The following RHOT1 variants were observed in gnomAD, a reference collection of about 807,000 sequenced individuals.
RHOT1 encodes mitochondrial Rho GTPase 1.
Under a neutral mutation model 95.3 loss-of-function variants are expected in RHOT1, and 27 were observed. That is an observed-to-expected ratio of 0.28 (90% CI 0.21 to 0.39). The LOEUF (loss-of-function observed/expected upper bound fraction) is 0.39. Among genes scored for constraint, RHOT1 ranks in the 10% least tolerant of loss-of-function variants. RHOT1 has a pLI of 1.00. For missense variants in RHOT1, 578 were observed against 786.7 expected (o/e 0.73, Z 3.17); for synonymous variants, 227 against 263.5 (o/e 0.86, Z 1.34).
At chr17:32,149,591 C>CTA (rs1162059092) in intron 1 of RHOT1, among the ~76,000 whole-genome samples, 928 of 52,496 alleles carry the variant, frequency 0.018, 14 homozygotes, top group Middle Eastern at 0.04. Flanking sequence ...CCCAGCAGTT[C>CTA]TATATATATA....
intron 8 of RHOT1, among the ~76,000 whole-genome samples, chr17:32,189,896 C>T (rs2036356651): frequency 6.6e-6 from 1 of 151,932 alleles, no homozygotes; most frequent in South Asian, 2.1e-4. Context: ...CCATGCCTGG[C>T]TAATTTTTGT....
At chr17:32,143,093 C>A (rs2142321462) in intron 1 of RHOT1, 1 of 606,672 alleles carries the variant, frequency 1.6e-6, no homozygotes, top group South Asian at 1.5e-5. Flanking sequence ...TCACAGTTTC[C>A]CAGGCCGCCT....
intron 14 of RHOT1, among the ~76,000 whole-genome samples, chr17:32,202,324 G>T (rs970289269): frequency 2.6e-5 from 4 of 152,158 alleles, no homozygotes; most frequent in African/African-American, 9.7e-5. Flanking sequence ...ACCCCAAAGT[G>T]TGTGTCCCTT....
chr17:32,224,777 G>A lies in RHOT1; in HGVS notation c.*44G>A, dbSNP rs776902833. ...CCCTACCAAAAACAAATACTTTTATGTACATTCTGAATGCTTTAAGTTCTG... is the reference window on the plus strand; with the variant it reads ...CCCTACCAAAAACAAATACTTTTATATACATTCTGAATGCTTTAAGTTCTG... On this transcript the variant is annotated 3_prime_UTR_variant, in exon 20 of 20. Transcript: ENST00000545287. 3 of 1,166,104 alleles carry A rather than the reference G, an allele frequency of 2.6e-6. No individual in the cohort carries two copies. Among genetic ancestry groups the A allele is most frequent in the Non-Finnish European group, 1.3e-6 (1 of 788,304 alleles). 72.2% of individuals were successfully genotyped at this position (1,166,104 alleles called of 1,614,324 possible). A position where few individuals can be genotyped will look rare whatever the true frequency, so the allele number is the denominator to read the frequency against.
chr17:32,190,574 T>C (rs910349029), intron 8 of RHOT1, among the ~76,000 whole-genome samples: 6 of 152,254 alleles, frequency 3.9e-5, no homozygotes, highest in African/African-American at 1.4e-4. Flanking sequence ...TTCTGTTTTG[T>C]ATATTCTTGC....
At chr17:32,190,904 T>C (rs1286320519) in intron 8 of RHOT1, among the ~76,000 whole-genome samples, 1 of 152,172 alleles carries the variant, frequency 6.6e-6, no homozygotes, top group Non-Finnish European at 1.5e-5. Flanking sequence ...CAAGCGATTC[T>C]CCTGCCTCAG....
At chr17:32,202,439 G>A (rs914987797) in intron 14 of RHOT1, among the ~76,000 whole-genome samples, 4 of 152,168 alleles carry the variant, frequency 2.6e-5, no homozygotes, top group East Asian at 1.9e-4. Context: ...GGAATATAAT[G>A]TTGGCTATAT....
chr17:32,155,343 G>A (rs2032844814), intron 1 of RHOT1, among the ~76,000 whole-genome samples: 1 of 151,840 alleles, frequency 6.6e-6, no homozygotes, highest in African/African-American at 2.4e-5. Flanking sequence ...TGTATTTTTA[G>A]TAGAGACAGG....
intron 16 of RHOT1, among the ~76,000 whole-genome samples, chr17:32,206,441 CTTTTTTTTTTTTTTTTTTT>C (rs34176535): frequency 3.7e-4 from 25 of 67,026 alleles, no homozygotes; most frequent in Admixed American, 3.7e-3. Context: ...TCTATACTTT[CTTTTTTTTTTTTTTTTTTT>C]TTTTTTTTTG....
chr17:32,209,442 C>T (rs768075538), intron 18 of RHOT1: 1 of 1,570,370 alleles, frequency 6.4e-7, no homozygotes, highest in East Asian at 2.3e-5. Context: ...CTAAAAACTG[C>T]TTTGTAAGTT....
Position 32,142,574 on chromosome 17 carries a change from G to T in RHOT1, c.-119G>T. 4 of 792,778 alleles carry T rather than the reference G, an allele frequency of 5.0e-6. No homozygotes were observed. Among genetic ancestry groups the T allele is most frequent in the Non-Finnish European group, 7.4e-6 (4 of 541,756 alleles). 49.1% of individuals were successfully genotyped at this position (792,778 alleles called of 1,614,324 possible). A position where few individuals can be genotyped will look rare whatever the true frequency, so the allele number is the denominator to read the frequency against. On this transcript the variant is annotated 5_prime_UTR_variant, in exon 1 of 20. Coordinates refer to ENST00000545287, the MANE Select transcript of RHOT1 (RefSeq NM_001033566.3). ...CTTGCGGGGAAGCAACTGAGGGGGC[G>T]GCGCGGCGGGCCCCGGCGGCCGAAG...
chr17:32,197,197 T>G (rs1032126592), intron 11 of RHOT1, among the ~76,000 whole-genome samples: 1 of 151,934 alleles, frequency 6.6e-6, no homozygotes, highest in Non-Finnish European at 1.5e-5. Flanking sequence ...GGGGAGCCTG[T>G]CTCATTTTTG....
In RHOT1 at chr17:32,182,821, C is replaced by A; in HGVS notation, c.394C>A (p.Leu132Ile). 6.2e-7 allele frequency: 1 copy of A among 1,606,422 alleles called. No individual in the cohort carries two copies. The highest frequency in any genetic ancestry group is 1.1e-5 in the South Asian group (1 of 90,086). The change falls in exon 7 of 20, where the codon CTT becomes ATT. Residue 132 changes from leucine to isoleucine, a missense_variant. By Grantham distance (5) the Leu-to-Ile change is conservative (BLOSUM62 2). Transcript: ENST00000545287. Reference protein sequence around the residue: ...LVEYSSMETILPIMNQYTEIE... With the variant: ...LVEYSSMETIIPIMNQYTEIE... Reference sequence around the variant, plus strand: ...GGAATATAGTAGTATGGAGACCATCCTTCCTATTATGAACCAGTATACAGA... The same window carrying A: ...GGAATATAGTAGTATGGAGACCATCATTCCTATTATGAACCAGTATACAGA...
At chr17:32,177,237 A>T (rs1340976766) in intron 6 of RHOT1, among the ~76,000 whole-genome samples, 3 of 152,220 alleles carry the variant, frequency 2.0e-5, no homozygotes, top group Non-Finnish European at 4.4e-5. Flanking sequence ...AATTAAAATT[A>T]ATAAAACTAA....
intron 16 of RHOT1, among the ~76,000 whole-genome samples, chr17:32,206,288 C>T (rs1419073963): frequency 6.9e-6 from 1 of 144,490 alleles, no homozygotes; most frequent in Non-Finnish European, 1.5e-5. Flanking sequence ...TCACTGTAAC[C>T]TCTGCTTTCC....
At chr17:32,219,238 A>C (rs1169312146) in intron 19 of RHOT1, among the ~76,000 whole-genome samples, 1 of 152,118 alleles carries the variant, frequency 6.6e-6, no homozygotes, top group African/African-American at 2.4e-5. Context: ...TTTCTACTGA[A>C]CTTTTCTTTT....
At chr17:32,203,744 A>G (rs913089872) in intron 15 of RHOT1, 146 bp from the exon 16 acceptor site, 3 of 587,982 alleles carry the variant, frequency 5.1e-6, no homozygotes, top group South Asian at 2.1e-5. Context: ...CATAAAATCA[A>G]TATCTCCTTT....
At position 32,198,641 on chromosome 17, in the gene RHOT1, C is replaced by T. The variant is rs1399999636; in HGVS notation, c.870-306C>T. 2.0e-5 allele frequency among the ~76,000 whole-genome samples: 3 copies of T among 152,046 alleles called. No homozygotes were observed. In the South Asian group the frequency reaches 6.2e-4, roughly 31 times the overall value. ...GGTAGATTGATTGAGCCCAGGAGGT[C>T]GAGACTGCAGTGAGCTGTGATCGTG... On this transcript the variant is annotated intron_variant, in intron 11 of 19. Transcript: ENST00000545287.
intron 16 of RHOT1, among the ~76,000 whole-genome samples, chr17:32,205,337 A>G (rs1285019728): frequency 6.6e-6 from 1 of 152,144 alleles, no homozygotes; most frequent in African/African-American, 2.4e-5. Context: ...TGTCCCTGCA[A>G]AGGACATGAA....
Sources: allele counts gnomAD v4.1 joint callset (sites outside exome capture counted in the v4.1 genomes callset), GRCh38; gene constraint gnomAD v4.1.1; transcripts MANE v1.5; gene names NCBI Gene and HGNC (gene_info 2026-07-23, HGNC 2026-07-21).